The following LCN12 variants were observed in gnomAD, a reference collection of about 807,000 sequenced individuals.
The protein encoded by LCN12 is lipocalin 12.
A neutral mutation model predicts 23.7 loss-of-function variants in LCN12; 15 were observed. The observed-to-expected ratio is 0.63, with a 90% CI of 0.42 to 0.97. The LOEUF is 0.97. LCN12 is among the 50% of genes least tolerant of loss of function. The pLI, the probability that LCN12 is intolerant of heterozygous loss-of-function variation, is 0.00. For synonymous variants in LCN12, 116 were observed against 111.5 expected (o/e 1.04, Z -0.25); for missense variants, 219 against 249.6 (o/e 0.88, Z 0.83).
chr9:136,949,843 G>A (rs796892262), upstream of LCN12, among the ~76,000 whole-genome samples: 5 of 152,306 alleles, frequency 3.3e-5, no homozygotes, highest in African/African-American at 1.2e-4. Flanking sequence ...AGTGGAAGCG[G>A]CGGTTTCCCT....
At chr9:136,950,456 G>A (rs547604036), upstream of LCN12, among the ~76,000 whole-genome samples, 1 of 152,276 alleles carries the variant, frequency 6.6e-6, no homozygotes, top group South Asian at 2.1e-4. Flanking sequence ...TCTCGGGCTG[G>A]CCAGGGAAGG....
intron 1 of LCN12, 36 bp from the exon 2 acceptor site, chr9:136,952,856 G>GGCCCCCCCCC: frequency 2.6e-6 from 4 of 1,517,102 alleles, no homozygotes; most frequent in Non-Finnish European, 3.6e-6. Context: ...TGCCACCCCT[G>GGCCCCCCCCC]CCCACCGCCG....
At chr9:136,955,171 C>T (rs1429334327) in intron 5 of LCN12, 200 bp from the exon 6 acceptor site, 12 of 1,417,180 alleles carry the variant, frequency 8.5e-6, no homozygotes, top group African/African-American at 5.8e-5. Flanking sequence ...TGTTGGGAGC[C>T]GCTGTGGGCC....
In LCN12 at chr9:136,953,790, C is replaced by T. The variant is rs771134125; in HGVS notation, c.331+11C>T. On this transcript the variant is annotated intron_variant, in intron 3 of 5. Transcript: ENST00000371633. ...TGGACCACGGTGTGGGTAAGCCAGT[C>T]ACAGGAGGGAGGGACGGGGTGCTGG... 1 of 1,604,842 alleles carries T rather than the reference C, an allele frequency of 6.2e-7. No homozygotes were observed. Among genetic ancestry groups the T allele is most frequent in the Non-Finnish European group, 8.5e-7 (1 of 1,176,004 alleles).
In LCN12 at chr9:136,953,903, C is replaced by A. The variant is rs781492020; in HGVS notation, c.387C>A (p.Phe129Leu). 1.9e-6 allele frequency: 3 copies of A among 1,611,198 alleles called. No homozygotes were observed. Among genetic ancestry groups the A allele is most frequent in the Non-Finnish European group, 2.5e-6 (3 of 1,179,430 alleles). Residue 129 changes from phenylalanine to leucine, a missense_variant, in exon 4 of 6, where the codon TTC becomes TTA. By Grantham distance (22) the Phe-to-Leu change is conservative. Transcript: ENST00000371633. ...TGGTGGACAGCGACTACACCCAGTTCGCCCTGATGCTGTCCCGCAGACACA... is the reference window on the plus strand; with the variant it reads ...TGGTGGACAGCGACTACACCCAGTTAGCCCTGATGCTGTCCCGCAGACACA... The part of the protein sequence containing the change: ...TRVVDSDYTQ[F>L]ALMLSRRHTS...
At chr9:136,954,388 C>A in intron 5 of LCN12, 133 bp downstream of exon 5, 1 of 1,054,390 alleles carries the variant, frequency 9.5e-7, no homozygotes, top group Middle Eastern at 2.0e-4. Flanking sequence ...CAGGGGTCTC[C>A]AGGCTCCTGG....
chr9:136,954,005 G>A, intron 4 of LCN12, 41 bp downstream of exon 4: 1 of 1,593,564 alleles, frequency 6.3e-7, no homozygotes. Context: ...TGTGGCCCTG[G>A]AGGCACCTCC....
rs1254784834 is a variant in LCN12, at chr9:136,953,938, TG to T, written c.424del (p.Ala142ProfsTer41). 6.2e-7 allele frequency: 1 copy of T among 1,611,062 alleles called. No homozygotes were observed. Among genetic ancestry groups the T allele is most frequent in the Non-Finnish European group, 8.5e-7 (1 of 1,179,820 alleles). On this transcript the variant is annotated frameshift_variant, in exon 4 of 6. Coordinates refer to ENST00000371633, the MANE Select transcript of LCN12 (RefSeq NM_178536.4). LOFTEE classifies it high-confidence loss of function. ...LMLSRRHTSR[L>X]AVLRISLLGR... ...CTGTCCCGCAGACACACGAGCAGGC[TG>T]GCCGTCCTCAGGATCAGCCTGCTGG...
upstream of LCN12, among the ~76,000 whole-genome samples, chr9:136,950,813 C>T (rs1444727933): frequency 6.6e-6 from 1 of 152,196 alleles, no homozygotes; most frequent in East Asian, 1.9e-4. Flanking sequence ...GCAGTGAGGC[C>T]TGGGACAGAG....
At chr9:136,949,964 G>C (rs918009533), upstream of LCN12, among the ~76,000 whole-genome samples, 1 of 152,182 alleles carries the variant, frequency 6.6e-6, no homozygotes, top group Admixed American at 6.5e-5. Flanking sequence ...GCTCACTGGC[G>C]TGTGCTGCCG....
At position 136,952,931 on chromosome 9, in the gene LCN12, A is replaced by G. The variant is rs1226995931; in HGVS notation, c.154A>G (p.Ser52Gly). 19 of 1,613,396 alleles carry G rather than the reference A, an allele frequency of 1.2e-5. No individual in the cohort carries two copies. In the Admixed American group the frequency reaches 3.0e-4, roughly 25 times the overall value. The part of the protein sequence containing the change: ...EWFVLGLAGN[S>G]FRPEHRALLN... ...GTTCGTCCTGGGCCTGGCGGGCAAC[A>G]GCTTCAGGCCGGAGCACAGGGCGCT... The change falls in exon 2 of 6, where the codon AGC becomes GGC. Residue 52 changes from serine to glycine, a missense_variant. Physicochemically the swap from Ser to Gly is moderately conservative, Grantham distance 56. Coordinates refer to ENST00000371633, the MANE Select transcript of LCN12 (RefSeq NM_178536.4).
chr9:136,953,644 C>T, intron 2 of LCN12, 56 bp from the exon 3 acceptor site: 2 of 1,371,910 alleles, frequency 1.5e-6, no homozygotes, highest in Non-Finnish European at 2.0e-6. Context: ...GGGCCCACCT[C>T]AGCATGGACC....
At chr9:136,954,788 G>T (rs781604859) in intron 5 of LCN12, 6 of 1,290,268 alleles carry the variant, frequency 4.7e-6, no homozygotes, top group African/African-American at 3.0e-5. Flanking sequence ...TCAGACAGCC[G>T]CGGCCCCCAA....
Position 136,952,876 on chromosome 9 carries a change from A to G in LCN12, c.115-16A>G. 1.2e-6 allele frequency: 1 copy of G among 829,888 alleles called. No individual in the cohort carries two copies. The highest frequency in any genetic ancestry group is 1.9e-6 in the Non-Finnish European group (1 of 530,024). The allele number at this position is 829,888 out of a possible 1,614,324, so 51.4% of individuals were successfully genotyped here. A position where few individuals can be genotyped will look rare whatever the true frequency, so the allele number is the denominator to read the frequency against. Reference sequence around the variant, plus strand: ...CCCCTGCCCACCGCCGCCCCTGCCCACCACCGCCTCTGTAGTTCCAGGGGG... The same window carrying G: ...CCCCTGCCCACCGCCGCCCCTGCCCGCCACCGCCTCTGTAGTTCCAGGGGG... On this transcript the variant is annotated splice_polypyrimidine_tract_variant and intron_variant, in intron 1 of 5. Coordinates refer to ENST00000371633, the MANE Select transcript of LCN12 (RefSeq NM_178536.4).
intron 5 of LCN12, chr9:136,954,729 G>A (rs764202182): frequency 5.0e-5 from 64 of 1,291,256 alleles, no homozygotes; most frequent in African/African-American, 1.5e-5. Context: ...CCCAGGAGGT[G>A]CCCTGGACCT....
chr9:136,952,851 C>T (rs1389759738), intron 1 of LCN12, 41 bp from the exon 2 acceptor site: 1 of 1,591,512 alleles, frequency 6.3e-7, no homozygotes, highest in African/African-American at 1.3e-5. Flanking sequence ...CCCACTGCCA[C>T]CCCTGCCCAC....
chr9:136,955,325 C>T lies in LCN12; in HGVS notation c.551-46C>T, dbSNP rs202175310. On this transcript the variant is annotated intron_variant, in intron 5 of 5. Transcript: ENST00000371633. ...CCTTGCTTCCTCCTGGGCTCTGTCC[C>T]CTGCTCCCCCTTTGTCCTCCATCCC... 1,195 of 1,598,826 alleles carry T rather than the reference C, an allele frequency of 7.5e-4. 3 individuals are homozygous for T. Among genetic ancestry groups the T allele is most frequent in the Non-Finnish European group, 8.3e-4 (969 of 1,170,608 alleles).
chr9:136,954,033 G>A (rs1196693949), intron 4 of LCN12, 69 bp downstream of exon 4: 3 of 1,573,688 alleles, frequency 1.9e-6, no homozygotes, highest in Admixed American at 1.8e-5. Context: ...CTTTGGGTCA[G>A]ACCCTGCCTC....
Position 136,952,323 on chromosome 9 carries a change from C to A in LCN12, c.-5C>A. 2 of 1,604,726 alleles carry A rather than the reference C, an allele frequency of 1.2e-6. No individual in the cohort carries two copies. The highest frequency in any genetic ancestry group is 1.7e-6 in the Non-Finnish European group (2 of 1,174,254). On this transcript the variant is annotated 5_prime_UTR_variant, in exon 1 of 6. Transcript: ENST00000371633. Reference sequence around the variant, plus strand: ...TCTGTCCCTGTGGGCCCAGCAGCTGCCAGGATGAGGCTGCTGTGTGGCCTG... The same window carrying A: ...TCTGTCCCTGTGGGCCCAGCAGCTGACAGGATGAGGCTGCTGTGTGGCCTG...
Sources: allele counts gnomAD v4.1 joint callset (sites outside exome capture counted in the v4.1 genomes callset), GRCh38; gene constraint gnomAD v4.1.1; transcripts MANE v1.5; gene names NCBI Gene and HGNC (gene_info 2026-07-23, HGNC 2026-07-21).